ESCO1: variants seen among roughly 807,000 people sequenced by gnomAD.
ESCO1 encodes the protein N-acetyltransferase ESCO1.
Under a neutral mutation model 83.5 loss-of-function variants are expected in ESCO1, and 33 were observed. The observed-to-expected ratio is 0.40, with a 90% CI of 0.30 to 0.53. The LOEUF is 0.53. Ranked by LOEUF, ESCO1 falls within the 20% of genes least tolerant of loss-of-function variation. ESCO1 has a pLI of 0.63. For missense variants in ESCO1, 855 were observed against 968.0 expected (o/e 0.88, Z 1.55); for synonymous variants, 332 against 324.3 (o/e 1.02, Z -0.25).
At chr18:21,576,231 C>T (rs2038416906) in intron 2 of ESCO1, among the ~76,000 whole-genome samples, 1 of 152,114 alleles carries the variant, frequency 6.6e-6, no homozygotes, top group Non-Finnish European at 1.5e-5. Flanking sequence ...AAACAAGACC[C>T]AGTTGTGGTG....
chr18:21,539,893 C>T, intron 9 of ESCO1, 27 bp downstream of exon 9: 3 of 1,576,738 alleles, frequency 1.9e-6, no homozygotes, highest in South Asian at 1.1e-5. Flanking sequence ...ATTATCCACT[C>T]TACATGAAGT....
chr18:21,549,406 C>A (rs2038016166), intron 8 of ESCO1, among the ~76,000 whole-genome samples: 1 of 152,050 alleles, frequency 6.6e-6, no homozygotes. Flanking sequence ...ACATGACACA[C>A]CTCCAGACTT....
intron 10 of ESCO1, among the ~76,000 whole-genome samples, chr18:21,535,495 G>C (rs2037824874): frequency 6.6e-6 from 1 of 151,380 alleles, no homozygotes; most frequent in African/African-American, 2.4e-5. Flanking sequence ...CGATTCTCTT[G>C]CCTCAGCCTC....
At chr18:21,556,555 T>C (rs1457771069) in intron 8 of ESCO1, among the ~76,000 whole-genome samples, 1 of 152,202 alleles carries the variant, frequency 6.6e-6, no homozygotes, top group Non-Finnish European at 1.5e-5. Flanking sequence ...ACATTCTATA[T>C]ACCACCTAAC....
intron 11 of ESCO1, among the ~76,000 whole-genome samples, chr18:21,532,215 C>T (rs2037775835): frequency 6.6e-6 from 1 of 152,076 alleles, no homozygotes; most frequent in African/African-American, 2.4e-5. Flanking sequence ...GTTATTTTGG[C>T]CTAACATCAT....
chr18:21,600,065 G>C (rs563754459), intron 1 of ESCO1, among the ~76,000 whole-genome samples: 2 of 152,324 alleles, frequency 1.3e-5, no homozygotes, highest in African/African-American at 4.8e-5. Context: ...CCAAACTGAA[G>C]GCTGTAAAAC....
Position 21,574,416 on chromosome 18 carries a change from C to A in ESCO1, c.428G>T (p.Gly143Val), listed in dbSNP as rs772184681. The change falls in exon 4 of 12, where the codon GGT becomes GTT. Residue 143 changes from glycine (G) to valine (V), a missense_variant. Physicochemically the swap from Gly to Val is moderately radical, Grantham distance 109 (BLOSUM62 -3). Transcript: ENST00000269214. Reference sequence around the variant, plus strand: ...ACTCTGTTTAACTGCTTGAACTTGACCCTGAATTTCTCTACTGCGTAACGA... The same window carrying A: ...ACTCTGTTTAACTGCTTGAACTTGAACCTGAATTTCTCTACTGCGTAACGA... ...RRSLRSREIQ[G>V]QVQAVKQSLP... The A allele has an allele frequency of 1.9e-6, 3 of 1,614,084 alleles. No homozygotes were observed. Among genetic ancestry groups the A allele is most frequent in the Non-Finnish European group, 2.5e-6 (3 of 1,180,032 alleles).
In ESCO1 at chr18:21,536,189, C is replaced by T. The variant is rs769246270; in HGVS notation, c.2044-4G>A. ...CCATCTCTCTAATCTCGTCAACCTG[C>T]CAAATAAAGAACAGTAATTATTTTT... On this transcript the variant is annotated splice_polypyrimidine_tract_variant and splice_region_variant and intron_variant, in intron 9 of 11. Coordinates refer to ENST00000269214, the MANE Select transcript of ESCO1 (RefSeq NM_052911.3). 13 of 1,606,130 alleles carry T rather than the reference C, an allele frequency of 8.1e-6. No homozygotes were observed. In the South Asian group the frequency reaches 1.0e-4, roughly 13 times the overall value.
intron 9 of ESCO1, among the ~76,000 whole-genome samples, chr18:21,538,277 C>T (rs1312708106): frequency 1.4e-5 from 2 of 144,824 alleles, no homozygotes; most frequent in Non-Finnish European, 3.0e-5. Context: ...CACGGTGAGA[C>T]CCTGTCTCTT....
chr18:21,586,316 T>C (rs2038575975), intron 1 of ESCO1, among the ~76,000 whole-genome samples: 1 of 152,212 alleles, frequency 6.6e-6, no homozygotes, highest in Non-Finnish European at 1.5e-5. Flanking sequence ...TCACTGAACA[T>C]AATGTCTTCC....
intron 2 of ESCO1, among the ~76,000 whole-genome samples, chr18:21,579,780 A>ACGCGCG (rs1434819359): frequency 1.5e-4 from 8 of 51,924 alleles, no homozygotes; most frequent in African/African-American, 4.2e-4. Flanking sequence ...TGACACACAC[A>ACGCGCG]CACACGCGCG....
intron 2 of ESCO1, among the ~76,000 whole-genome samples, chr18:21,580,171 T>C (rs1243103743): frequency 6.6e-6 from 1 of 152,078 alleles, no homozygotes; most frequent in Non-Finnish European, 1.5e-5. Flanking sequence ...AGTGCTGGGA[T>C]TACAGGCATG....
chr18:21,590,527 C>T (rs931404332), intron 1 of ESCO1, among the ~76,000 whole-genome samples: 1 of 152,074 alleles, frequency 6.6e-6, no homozygotes, highest in Non-Finnish European at 1.5e-5. Flanking sequence ...GTCATGAACC[C>T]TTTTTCTATG....
At chr18:21,560,627 GTAA>G (rs1461946858) in intron 8 of ESCO1, among the ~76,000 whole-genome samples, 1 of 151,968 alleles carries the variant, frequency 6.6e-6, no homozygotes, top group Non-Finnish European at 1.5e-5. Context: ...CTTTAGAAAA[GTAA>G]AATTTAAATT....
chr18:21,567,913 T>C, intron 5 of ESCO1, 67 bp downstream of exon 5: 1 of 1,228,536 alleles, frequency 8.1e-7, no homozygotes, highest in Non-Finnish European at 1.2e-6. Flanking sequence ...TATATAACAT[T>C]TTCTGTAATA....
chr18:21,594,925 C>CTGTGTGTGTGTGTGTGTGTG (rs35336026), intron 1 of ESCO1, among the ~76,000 whole-genome samples: 1 of 143,694 alleles, frequency 7.0e-6, no homozygotes. Flanking sequence ...TCTACAACTA[C>CTGTGTGTGTGTGTGTGTGTG]TGTGTGTGTG....
chr18:21,594,925 C>CTCTG (rs1555673563), intron 1 of ESCO1, among the ~76,000 whole-genome samples: 1 of 143,694 alleles, frequency 7.0e-6, no homozygotes, highest in African/African-American at 2.6e-5. Flanking sequence ...TCTACAACTA[C>CTCTG]TGTGTGTGTG....
At position 21,530,447 on chromosome 18, in the gene ESCO1, C is replaced by G; in HGVS notation, c.2419G>C (p.Ala807Pro). Residue 807 changes from alanine to proline, a missense_variant, in exon 12 of 12, where the codon GCT (alanine) becomes CCT (proline). Physicochemically the swap from Ala to Pro is conservative, Grantham distance 27. Around this residue, in one of 2 missense-constraint regions of ESCO1, gnomAD observed 129 missense variants for 268.5 expected, o/e 0.48. Transcript: ENST00000269214. ...YGSYLSKEEI[A>P]FSDPTPDGKL... ...CCATCAGGAGTGGGATCTGAGAAAG[C>G]AATTTCTTCTTTGCTCAAATATGAG... The G allele has an allele frequency of 6.6e-7, 1 of 1,517,098 alleles. No individual in the cohort carries two copies. Among genetic ancestry groups the G allele is most frequent in the Non-Finnish European group, 8.9e-7 (1 of 1,121,176 alleles). The allele number at this position is 1,517,098 out of a possible 1,614,324, so 94.0% of individuals were successfully genotyped here. A position where few individuals can be genotyped will look rare whatever the true frequency, so the allele number is the denominator to read the frequency against.
At chr18:21,537,289 G>A (rs1443178323) in intron 9 of ESCO1, among the ~76,000 whole-genome samples, 1 of 152,206 alleles carries the variant, frequency 6.6e-6, no homozygotes, top group Non-Finnish European at 1.5e-5. Flanking sequence ...AGCAGTGGCT[G>A]ATGCCTATAA....
Sources: allele counts gnomAD v4.1 joint callset (sites outside exome capture counted in the v4.1 genomes callset), GRCh38; gene constraint gnomAD v4.1.1; regional missense constraint gnomAD v4.1.1; transcripts MANE v1.5; gene names NCBI Gene and HGNC (gene_info 2026-07-23, HGNC 2026-07-21).